MGAT4C: variants seen among roughly 807,000 people sequenced by gnomAD.
The protein encoded by MGAT4C is alpha-1,3-mannosyl-glycoprotein 4-beta-N-acetylglucosaminyltransferase C.
MGAT4C carries 19 observed loss-of-function variants against 40.1 expected under a neutral mutation model. The ratio of observed to expected loss-of-function variants is 0.47; its 90% CI spans 0.33 to 0.70. MGAT4C has a LOEUF of 0.70. MGAT4C is among the 30% of genes least tolerant of loss of function. The pLI, the probability that MGAT4C is intolerant of heterozygous loss-of-function variation, is 0.02. For missense variants in MGAT4C, 491 were observed against 563.2 expected (o/e 0.87, Z 1.30); for synonymous variants, 181 against 187.1 (o/e 0.97, Z 0.27).
chr12:86,605,811 A>G (rs963645750), intron 2 of MGAT4C, among the ~76,000 whole-genome samples: 12 of 152,104 alleles, frequency 7.9e-5, no homozygotes, highest in Admixed American at 2.0e-4. Context: ...CATTGGCCAG[A>G]TAGTATCCCC....
chr12:86,649,854 A>G (rs1187796550), intron 2 of MGAT4C, among the ~76,000 whole-genome samples: 2 of 151,932 alleles, frequency 1.3e-5, no homozygotes, highest in East Asian at 3.9e-4. Flanking sequence ...TGAGTCATAT[A>G]TTTAAAATAC....
At chr12:86,803,131 C>T (rs887563022) in intron 1 of MGAT4C, among the ~76,000 whole-genome samples, 1 of 148,440 alleles carries the variant, frequency 6.7e-6, no homozygotes, top group Non-Finnish European at 1.5e-5. Context: ...ACTATCTGAT[C>T]TTTGACAAAC....
At chr12:86,279,205 T>A (rs1440888488) in intron 4 of MGAT4C, among the ~76,000 whole-genome samples, 1 of 152,188 alleles carries the variant, frequency 6.6e-6, no homozygotes, top group Non-Finnish European at 1.5e-5. Context: ...TCCTTCTCTA[T>A]TTTTTGGAAT....
chr12:86,195,196 C>T (rs924056918), intron 1 of MGAT4C, among the ~76,000 whole-genome samples: 1 of 152,204 alleles, frequency 6.6e-6, no homozygotes, highest in African/African-American at 2.4e-5. Flanking sequence ...AAAGGTGGCA[C>T]AGAAATTTGG....
At chr12:85,995,546 CTGGACATTAAAAA>C (rs1886517277) in intron 2 of MGAT4C, among the ~76,000 whole-genome samples, 1 of 131,522 alleles carries the variant, frequency 7.6e-6, no homozygotes. Context: ...CAAACTTGGA[CTGGACATTAAAAA>C]ACTGGACATT....
chr12:86,543,230 T>C (rs1959177054), intron 2 of MGAT4C, among the ~76,000 whole-genome samples: 2 of 151,636 alleles, frequency 1.3e-5, no homozygotes, highest in Admixed American at 1.3e-4. Context: ...ATTAGTTTTA[T>C]ATTCCTACCT....
chr12:86,240,162 G>T, intron 1 of MGAT4C, among the ~76,000 whole-genome samples: 1 of 149,946 alleles, frequency 6.7e-6, no homozygotes, highest in South Asian at 2.1e-4. Context: ...CATTTCAAAA[G>T]CACACACACA....
chr12:86,522,875 C>T (rs1226463303), intron 2 of MGAT4C, among the ~76,000 whole-genome samples: 8 of 152,082 alleles, frequency 5.3e-5, no homozygotes, highest in Non-Finnish European at 1.0e-4. Flanking sequence ...TCTAGATTTT[C>T]AAGTTTATGT....
chr12:86,450,886 A>C (rs1457052605), intron 2 of MGAT4C, among the ~76,000 whole-genome samples: 2 of 152,162 alleles, frequency 1.3e-5, no homozygotes, highest in Non-Finnish European at 2.9e-5. Context: ...TTATGTATTC[A>C]TACTTTTATA....
intron 2 of MGAT4C, among the ~76,000 whole-genome samples, chr12:86,637,896 C>G (rs1168396325): frequency 6.6e-6 from 1 of 151,790 alleles, no homozygotes; most frequent in African/African-American, 2.4e-5. Context: ...ATAATGCATT[C>G]TTTTTATGTA....
At chr12:86,243,909 C>A (rs1951905833) in intron 1 of MGAT4C, among the ~76,000 whole-genome samples, 1 of 152,054 alleles carries the variant, frequency 6.6e-6, no homozygotes, top group African/African-American at 2.4e-5. Context: ...ACTTGTTACA[C>A]AGCAATATAA....
chr12:86,341,889 G>A (rs540631940), intron 3 of MGAT4C, among the ~76,000 whole-genome samples: 13 of 152,320 alleles, frequency 8.5e-5, no homozygotes, highest in East Asian at 7.7e-4. Context: ...GGAGAAGGTA[G>A]GTCGCCATCT....
chr12:86,569,369 C>T (rs539414568), intron 2 of MGAT4C, among the ~76,000 whole-genome samples: 1 of 152,126 alleles, frequency 6.6e-6, no homozygotes, highest in South Asian at 2.1e-4. Context: ...AAAAAGTTGG[C>T]AAAGGATATC....
chr12:86,730,098 T>C (rs2136119041), intron 1 of MGAT4C, among the ~76,000 whole-genome samples: 1 of 152,098 alleles, frequency 6.6e-6, no homozygotes, highest in Non-Finnish European at 1.5e-5. Context: ...CAGCTTATCG[T>C]AGGAGCCAAA....
chr12:86,765,868 C>T (rs1359794477), intron 1 of MGAT4C, among the ~76,000 whole-genome samples: 2 of 152,080 alleles, frequency 1.3e-5, no homozygotes, highest in Non-Finnish European at 2.9e-5. Context: ...CTGAAGGAAG[C>T]AATAAACATG....
chr12:86,453,799 C>T (rs544063623), intron 2 of MGAT4C, among the ~76,000 whole-genome samples: 54 of 151,998 alleles, frequency 3.6e-4, no homozygotes, highest in Non-Finnish European at 6.6e-4. Flanking sequence ...GGGACTTTTG[C>T]TTACTAGATT....
At chr12:86,394,980 G>T (rs1333564150) in intron 3 of MGAT4C, among the ~76,000 whole-genome samples, 1 of 151,874 alleles carries the variant, frequency 6.6e-6, no homozygotes, top group Non-Finnish European at 1.5e-5. Context: ...TATTTCAGAA[G>T]TACATTTATG....
At chr12:86,406,723 A>T (rs1426213029) in intron 3 of MGAT4C, among the ~76,000 whole-genome samples, 1 of 152,024 alleles carries the variant, frequency 6.6e-6, no homozygotes. Context: ...AAAAAAAAAA[A>T]CTAAATGTGC....
At chr12:86,565,878 G>A (rs919067303) in intron 2 of MGAT4C, among the ~76,000 whole-genome samples, 1 of 152,136 alleles carries the variant, frequency 6.6e-6, no homozygotes, top group South Asian at 2.1e-4. Context: ...AAGTGGCCAT[G>A]GGGGCAGGGG....
Sources: allele counts gnomAD v4.1 joint callset (sites outside exome capture counted in the v4.1 genomes callset), GRCh38; gene constraint gnomAD v4.1.1; transcripts MANE v1.5; gene names NCBI Gene and HGNC (gene_info 2026-07-23, HGNC 2026-07-21).